Variants in TENM2 observed in about 807,000 individuals in gnomAD.
TENM2 encodes teneurin-2.
In TENM2, 52 loss-of-function variants were observed where a neutral mutation model predicts 245.2. The observed-to-expected ratio is 0.21, with a 90% confidence interval of 0.17 to 0.27. The LOEUF (loss-of-function observed/expected upper bound fraction) is 0.27, where lower values mean the gene tolerates loss of function less well. TENM2 is among the 10% of genes least tolerant of loss of function. The pLI is 1.00. For missense variants in TENM2, 3,046 were observed against 3,666.8 expected (o/e 0.83, Z 4.37); for synonymous variants, 1,363 against 1,438.9 (o/e 0.95, Z 1.19).
At chr5:168,012,993 A>T (rs1433052048) in intron 5 of TENM2, among the ~76,000 whole-genome samples, 3 of 152,086 alleles carry the variant, frequency 2.0e-5, no homozygotes, top group African/African-American at 7.2e-5. Flanking sequence ...AGGATGTCTG[A>T]TGCAGCTCCA....
At position 168,139,932 on chromosome 5, in the gene TENM2, C is replaced by T. The variant is rs75409391; in HGVS notation, c.2422+12966C>T. Among the ~76,000 whole-genome samples the T allele has an allele frequency of 6.3e-3, 964 of 152,300 alleles. 15 individuals are homozygous for T. Among genetic ancestry groups the T allele is most frequent in the Middle Eastern group, 0.034 (10 of 294 alleles). ...CCAATTTTCAAATGCTGGCAAGCAACTAAAAATGTATTAAAATGTTGTGCA... is the reference window on the plus strand; with the variant it reads ...CCAATTTTCAAATGCTGGCAAGCAATTAAAAATGTATTAAAATGTTGTGCA... On this transcript the variant is annotated intron_variant, in intron 12 of 28. Coordinates refer to ENST00000518659, the Ensembl canonical transcript of TENM2.
At chr5:167,730,985 G>A (rs555832744) in intron 2 of TENM2, among the ~76,000 whole-genome samples, 6 of 152,208 alleles carry the variant, frequency 3.9e-5, no homozygotes, top group East Asian at 1.9e-4. Context: ...ATTGAAATAC[G>A]ACCTAGGATG....
chr5:167,030,594 C>G, the TENM2 span, among the ~76,000 whole-genome samples: 1 of 152,294 alleles, frequency 6.6e-6, no homozygotes, highest in East Asian at 1.9e-4. Flanking sequence ...CACTTGCTTG[C>G]TTTCTTCTGA....
At chr5:168,097,312 T>C (rs1304536622) in intron 8 of TENM2, among the ~76,000 whole-genome samples, 1 of 152,080 alleles carries the variant, frequency 6.6e-6, no homozygotes, top group Non-Finnish European at 1.5e-5. Context: ...ATGATGAAGG[T>C]TGGGGGGTGG....
At chr5:168,226,255 T>A in exon 24 of TENM2, 3 of 1,612,658 alleles carry the variant, frequency 1.9e-6, no homozygotes, top group Non-Finnish European at 2.5e-6. Context: ...TCCTACACAG[T>A]GGTACAAGGT....
At chr5:167,406,158 C>T (rs78953766) in intron 2 of TENM2, among the ~76,000 whole-genome samples, 4,300 of 152,060 alleles carry the variant, frequency 0.028, 209 homozygotes, top group African/African-American at 0.098. Flanking sequence ...ATGGCAAAAA[C>T]GAATAGACTC....
chr5:167,012,425 C>A, the TENM2 span, among the ~76,000 whole-genome samples: 1 of 152,092 alleles, frequency 6.6e-6, no homozygotes, highest in African/African-American at 2.4e-5. Flanking sequence ...AACCAGTAAG[C>A]AAGATAATTT....
At chr5:167,112,460 T>C in the TENM2 span, among the ~76,000 whole-genome samples, 1 of 152,238 alleles carries the variant, frequency 6.6e-6, no homozygotes, top group Non-Finnish European at 1.5e-5. Context: ...ATATGAAATG[T>C]AGGCTAGATA....
At chr5:167,723,721 C>G (rs1028701524) in intron 2 of TENM2, among the ~76,000 whole-genome samples, 1 of 152,166 alleles carries the variant, frequency 6.6e-6, no homozygotes, top group African/African-American at 2.4e-5. Context: ...TTAGTGTACA[C>G]AAGGCTCCCT....
chr5:167,085,084 A>C, the TENM2 span, among the ~76,000 whole-genome samples: 2 of 152,120 alleles, frequency 1.3e-5, no homozygotes, highest in African/African-American at 4.8e-5. Context: ...CCTTTGAGTG[A>C]CTCCAAGAGA....
chr5:167,090,168 T>C, the TENM2 span, among the ~76,000 whole-genome samples: 1 of 152,098 alleles, frequency 6.6e-6, no homozygotes, highest in African/African-American at 2.4e-5. Context: ...TTCTAGTGTA[T>C]TTTCTTTAAA....
chr5:167,568,448 G>T (rs1207444890), intron 2 of TENM2, among the ~76,000 whole-genome samples: 1 of 152,040 alleles, frequency 6.6e-6, no homozygotes, highest in Non-Finnish European at 1.5e-5. Context: ...CCATGTGTTA[G>T]GCACTGGTCT....
chr5:167,071,240 T>C, the TENM2 span, among the ~76,000 whole-genome samples: 1 of 152,180 alleles, frequency 6.6e-6, no homozygotes, highest in South Asian at 2.1e-4. Flanking sequence ...ATAAAATTGT[T>C]AAATTGTGGC....
chr5:167,345,972 T>G (rs1343581215), intron 1 of TENM2, among the ~76,000 whole-genome samples: 3 of 149,236 alleles, frequency 2.0e-5, no homozygotes, highest in Non-Finnish European at 4.4e-5. Context: ...CCTAAATAAA[T>G]TCTTCCAAAA....
intron 3 of TENM2, among the ~76,000 whole-genome samples, chr5:167,943,800 T>G (rs1445103102): frequency 6.6e-6 from 1 of 152,152 alleles, no homozygotes; most frequent in Non-Finnish European, 1.5e-5. Context: ...ATTGTCAAGA[T>G]CCTTAGGGCA....
In TENM2 at chr5:167,363,630, C is replaced by T. The variant is rs1759846215; in HGVS notation, c.227-11568C>T. ...CCTGTAGTCCCAGCTACTCGGGAGG[C>T]TGAGGCAGGAGAATGGTGTGAACCC... On this transcript the variant is annotated intron_variant, in intron 1 of 28. Transcript: ENST00000518659. Among the ~76,000 whole-genome samples, 3 of 145,126 alleles carry T rather than the reference C, an allele frequency of 2.1e-5. No homozygotes were observed. The Admixed American group carries it at 2.2e-4, about 11-fold the overall frequency.
chr5:168,003,515 A>G (rs1225237054), intron 5 of TENM2, among the ~76,000 whole-genome samples: 2 of 152,188 alleles, frequency 1.3e-5, no homozygotes, highest in African/African-American at 4.8e-5. Flanking sequence ...GCCATACATC[A>G]ATTGGGATAA....
intron 3 of TENM2, among the ~76,000 whole-genome samples, chr5:167,927,779 C>T (rs1243499227): frequency 6.6e-6 from 1 of 152,106 alleles, no homozygotes; most frequent in African/African-American, 2.4e-5. Context: ...AACAGAGCTC[C>T]TGCCTTGGCT....
intron 5 of TENM2, among the ~76,000 whole-genome samples, chr5:168,021,209 C>T (rs918622684): frequency 6.6e-6 from 1 of 152,184 alleles, no homozygotes; most frequent in Non-Finnish European, 1.5e-5. Flanking sequence ...GAAGGGCAAA[C>T]CCTCTTTAGA....
Sources: gnomAD v4.1 joint callset for allele counts (sites outside exome capture counted in the v4.1 genomes callset) on GRCh38, gnomAD v4.1.1 for gene constraint, MANE v1.5 for transcripts, NCBI Gene and HGNC (gene_info 2026-07-23, HGNC 2026-07-21) for gene names.